The following PNPT1 variants were observed in gnomAD, a reference collection of about 807,000 sequenced individuals.
PNPT1 encodes the protein polyribonucleotide nucleotidyltransferase 1, mitochondrial.
A neutral mutation model predicts 119.5 loss-of-function variants in PNPT1; 53 were observed. The observed-to-expected ratio is 0.44, with a 90% CI of 0.36 to 0.56. The LOEUF (loss-of-function observed/expected upper bound fraction) is 0.56, where lower values mean the gene tolerates loss of function less well. Among genes scored for constraint, PNPT1 ranks in the 20% least tolerant of loss-of-function variants. PNPT1 has a pLI of 0.00. For synonymous variants in PNPT1, 357 were observed against 322.1 expected (o/e 1.11, Z -1.16); for missense variants, 948 against 938.5 (o/e 1.01, Z -0.13).
At chr2:55,685,641 CTG>C (rs907152798) in intron 3 of PNPT1, among the ~76,000 whole-genome samples, 1 of 152,130 alleles carries the variant, frequency 6.6e-6, no homozygotes, top group African/African-American at 2.4e-5. Flanking sequence ...GGTATCAACT[CTG>C]TTAAATATAA....
chr2:55,640,448 A>C (rs1695802360), intron 26 of PNPT1, among the ~76,000 whole-genome samples, 179 bp downstream of exon 26: 1 of 152,154 alleles, frequency 6.6e-6, no homozygotes, highest in Non-Finnish European at 1.5e-5. Flanking sequence ...CACCCTGCCC[A>C]GCCAATTTTT....
intron 21 of PNPT1, among the ~76,000 whole-genome samples, chr2:55,645,836 T>A (rs902705945): frequency 3.7e-4 from 18 of 48,744 alleles, no homozygotes; most frequent in African/African-American, 8.5e-4. Flanking sequence ...TACTTAGTAC[T>A]TCTTTTTTTT....
chr2:55,645,321 G>A lies in PNPT1; in HGVS notation c.1822+28C>T, dbSNP rs140517228. 127 of 1,530,106 alleles carry A rather than the reference G, an allele frequency of 8.3e-5. No individual in the cohort carries two copies. The African/African-American group carries it at 1.6e-3, about 19-fold the overall frequency. The allele number at this position is 1,530,106 out of a possible 1,614,324, so 94.8% of individuals were successfully genotyped here. On this transcript the variant is annotated intron_variant, in intron 22 of 27. Coordinates refer to ENST00000447944, the MANE Select transcript of PNPT1 (RefSeq NM_033109.5). Reference sequence around the variant, plus strand: ...TTACAGGCGTGAGCCACCGCGCCCAGCCGATCACTAAAATTTTAATGTATT... The same window carrying A: ...TTACAGGCGTGAGCCACCGCGCCCAACCGATCACTAAAATTTTAATGTATT...
chr2:55,685,140 C>G, intron 3 of PNPT1, 92 bp from the exon 4 acceptor site: 2 of 885,008 alleles, frequency 2.3e-6, no homozygotes, highest in South Asian at 2.5e-5. Context: ...TTGCTAACAA[C>G]ACAGTCTAGA....
chr2:55,685,309 T>G (rs1373718051), intron 3 of PNPT1, among the ~76,000 whole-genome samples: 1 of 152,150 alleles, frequency 6.6e-6, no homozygotes. Flanking sequence ...GAGGACCACT[T>G]GAGGCCAGGG....
At chr2:55,647,868 AT>A (rs1696050013) in intron 18 of PNPT1, among the ~76,000 whole-genome samples, 1 of 152,182 alleles carries the variant, frequency 6.6e-6, no homozygotes, top group Non-Finnish European at 1.5e-5. Context: ...TAAATTGACA[AT>A]CACCGAAGCT....
chr2:55,648,164 G>A (rs1485725054), intron 18 of PNPT1, among the ~76,000 whole-genome samples: 1 of 152,122 alleles, frequency 6.6e-6, no homozygotes, highest in African/African-American at 2.4e-5. Flanking sequence ...GAAAATTTCT[G>A]TGCACAAGTA....
intron 15 of PNPT1, among the ~76,000 whole-genome samples, chr2:55,657,619 C>A (rs375859494): frequency 6.6e-6 from 1 of 151,426 alleles, no homozygotes; most frequent in South Asian, 2.1e-4. Context: ...CTCCTGACCT[C>A]AGGTGATCCG....
chr2:55,682,745 A>C (rs1392168063), intron 5 of PNPT1, among the ~76,000 whole-genome samples: 1 of 151,946 alleles, frequency 6.6e-6, no homozygotes, highest in Non-Finnish European at 1.5e-5. Flanking sequence ...CCCTCTCTAC[A>C]AAAAACAAAA....
chr2:55,689,887 T>A (rs367905071), intron 1 of PNPT1, among the ~76,000 whole-genome samples: 3 of 152,350 alleles, frequency 2.0e-5, no homozygotes, highest in Admixed American at 6.5e-5. Context: ...CGTGGTGCCA[T>A]CTCAGCTCAT....
chr2:55,658,486 A>G (rs771586129), intron 15 of PNPT1, among the ~76,000 whole-genome samples: 12 of 152,186 alleles, frequency 7.9e-5, no homozygotes, highest in Non-Finnish European at 1.6e-4. Flanking sequence ...ATAAAAATGT[A>G]TTAAGCCATC....
Position 55,693,737 on chromosome 2 carries a change from T to C in PNPT1, c.87A>G (p.Ala29=), listed in dbSNP as rs748691162. 1.9e-6 allele frequency: 3 copies of C among 1,614,030 alleles called. No individual in the cohort carries two copies. The highest frequency in any genetic ancestry group is 2.2e-5 in the South Asian group (2 of 91,074). ...GTGCTCGCACTTGCAACTGGGTGAG[T>C]GCCCGATCCCGCCGTGGCAGAAGGA... ...GPFLLPRRDR[A]LTQLQVRALW... is the part of the protein sequence containing the mutation. The change falls in exon 1 of 28, where the codon GCA becomes GCG. Residue 29 remains alanine (A), a synonymous_variant. Transcript: ENST00000447944.
At chr2:55,659,528 T>A (rs1696496087) in intron 15 of PNPT1, among the ~76,000 whole-genome samples, 1 of 152,168 alleles carries the variant, frequency 6.6e-6, no homozygotes, top group African/African-American at 2.4e-5. Flanking sequence ...TGACTTTTTT[T>A]TTTTTAACCT....
chr2:55,648,258 T>C lies in PNPT1; in HGVS notation c.1496-805A>G, dbSNP rs989927107. On this transcript the variant is annotated intron_variant, in intron 18 of 27. Coordinates refer to ENST00000447944, the MANE Select transcript of PNPT1 (RefSeq NM_033109.5). ...CTGTTCTGCACCTTGCCTTTTTCAC[T>C]TAATAACATGTCTTGGATATTGACA... Among the ~76,000 whole-genome samples the C allele has an allele frequency of 2.0e-4, 31 of 152,344 alleles. 1 individual carries two copies. Among genetic ancestry groups the C allele is most frequent in the African/African-American group, 6.0e-4 (25 of 41,584 alleles).
chr2:55,666,796 T>C (rs1257799563), intron 13 of PNPT1, among the ~76,000 whole-genome samples, 195 bp downstream of exon 13: 2 of 152,214 alleles, frequency 1.3e-5, no homozygotes, highest in Non-Finnish European at 2.9e-5. Flanking sequence ...GAGCTATGAT[T>C]GTGCCACTGC....
chr2:55,657,047 G>A (rs566651503), intron 15 of PNPT1, among the ~76,000 whole-genome samples: 2 of 152,298 alleles, frequency 1.3e-5, no homozygotes, highest in Admixed American at 1.3e-4. Context: ...TGTAATTTCA[G>A]GCCGGGCGCA....
intron 4 of PNPT1, 133 bp from the exon 5 acceptor site, chr2:55,683,967 G>A (rs761688558): frequency 8.0e-6 from 6 of 752,806 alleles, no homozygotes; most frequent in Non-Finnish European, 1.1e-5. Flanking sequence ...TACTAAGAGG[G>A]ACACAGATAA....
intron 18 of PNPT1, among the ~76,000 whole-genome samples, chr2:55,652,230 C>G (rs1696233699): frequency 6.6e-6 from 1 of 152,116 alleles, no homozygotes; most frequent in African/African-American, 2.4e-5. Flanking sequence ...ATTTGCATCC[C>G]TGGGGCATAG....
intron 25 of PNPT1, among the ~76,000 whole-genome samples, chr2:55,641,467 C>A (rs4672060): frequency 1.3e-5 from 2 of 151,364 alleles, no homozygotes; most frequent in African/African-American, 4.9e-5. Flanking sequence ...TGGGGTTTCA[C>A]GAAGTTGGCC....
Sources: gnomAD v4.1 joint callset for allele counts (sites outside exome capture counted in the v4.1 genomes callset) on GRCh38, gnomAD v4.1.1 for gene constraint, MANE v1.5 for transcripts, NCBI Gene and HGNC (gene_info 2026-07-23, HGNC 2026-07-21) for gene names.